Variants in EPHA6 observed in about 807,000 individuals in gnomAD.
The protein encoded by EPHA6 is ephrin type-A receptor 6.
In EPHA6, 50 loss-of-function variants were observed where a neutral mutation model predicts 112.0. The observed-to-expected ratio is 0.45, with a 90% CI of 0.36 to 0.56. The LOEUF (loss-of-function observed/expected upper bound fraction) is 0.56. Among genes scored for constraint, EPHA6 ranks in the 20% least tolerant of loss-of-function variants. The pLI is 0.00. For synonymous variants in EPHA6, 529 were observed against 490.7 expected, an observed-to-expected ratio of 1.08 and a Z score of -1.03; for missense variants, 1,280 against 1,417.4, an observed-to-expected ratio of 0.90 and a Z score of 1.56.
chr3:97,560,194 G>T (rs1405463814), intron 11 of EPHA6, among the ~76,000 whole-genome samples: 1 of 151,790 alleles, frequency 6.6e-6, no homozygotes, highest in Non-Finnish European at 1.5e-5. Context: ...GAAAGTTGTG[G>T]ATTTTCAGAA....
intron 2 of EPHA6, among the ~76,000 whole-genome samples, chr3:96,880,607 C>A (rs1288276283): frequency 6.6e-6 from 1 of 152,078 alleles, no homozygotes; most frequent in Non-Finnish European, 1.5e-5. Context: ...AGCACATTCA[C>A]AATATTGTAC....
chr3:97,522,462 G>A (rs1160847854), intron 10 of EPHA6, among the ~76,000 whole-genome samples: 1 of 152,096 alleles, frequency 6.6e-6, no homozygotes, highest in Non-Finnish European at 1.5e-5. Context: ...GTATTTTGTT[G>A]AGTATTTTTT....
At chr3:97,574,378 T>G (rs1244827113) in intron 11 of EPHA6, among the ~76,000 whole-genome samples, 1 of 152,162 alleles carries the variant, frequency 6.6e-6, no homozygotes. Flanking sequence ...GAGTAACACT[T>G]AAGCAGAGTC....
chr3:97,416,713 A>G (rs2088151926), intron 6 of EPHA6, among the ~76,000 whole-genome samples: 1 of 152,136 alleles, frequency 6.6e-6, no homozygotes, highest in Non-Finnish European at 1.5e-5. Flanking sequence ...TCACATTAGG[A>G]ATGATATTAA....
intron 3 of EPHA6, among the ~76,000 whole-genome samples, chr3:97,002,681 T>G (rs1206349920): frequency 2.0e-5 from 3 of 152,008 alleles, no homozygotes; most frequent in Admixed American, 2.0e-4. Flanking sequence ...ATATATATAC[T>G]ATGTTCTTGG....
At chr3:96,963,663 C>A (rs891735657) in intron 2 of EPHA6, among the ~76,000 whole-genome samples, 4 of 152,114 alleles carry the variant, frequency 2.6e-5, no homozygotes, top group African/African-American at 9.7e-5. Context: ...TGCAGTGGAG[C>A]TCTGTTGTCT....
intron 10 of EPHA6, among the ~76,000 whole-genome samples, chr3:97,531,741 G>C (rs546444808): frequency 8.6e-5 from 13 of 151,952 alleles, no homozygotes; most frequent in African/African-American, 2.9e-4. Context: ...TAAATATTTG[G>C]TTATTGTTTA....
chr3:97,484,362 G>A (rs6782824), intron 10 of EPHA6, among the ~76,000 whole-genome samples: 18,956 of 151,852 alleles, frequency 0.12, 1,464 homozygotes, highest in Admixed American at 0.23. Context: ...TTACTTGAGC[G>A]CCAACATGTA....
chr3:97,334,769 AG>A (rs1274558385), intron 5 of EPHA6, among the ~76,000 whole-genome samples: 2 of 152,032 alleles, frequency 1.3e-5, no homozygotes, highest in African/African-American at 4.8e-5. Flanking sequence ...CATTTCTTTA[AG>A]TTGTTGAAAA....
chr3:97,317,411 T>G (rs1040109123), intron 5 of EPHA6, among the ~76,000 whole-genome samples: 1 of 151,936 alleles, frequency 6.6e-6, no homozygotes, highest in Non-Finnish European at 1.5e-5. Flanking sequence ...ACAAAAAAAG[T>G]GTTTAATTTT....
intron 13 of EPHA6, among the ~76,000 whole-genome samples, chr3:97,626,644 G>A (rs1290636110): frequency 6.6e-6 from 1 of 151,726 alleles, no homozygotes; most frequent in Non-Finnish European, 1.5e-5. Flanking sequence ...TTTGTATGAG[G>A]GTAAGAGAGG....
At chr3:97,435,336 C>G (rs528544331) in intron 6 of EPHA6, among the ~76,000 whole-genome samples, 1 of 152,142 alleles carries the variant, frequency 6.6e-6, no homozygotes, top group Admixed American at 6.5e-5. Flanking sequence ...GCATGACATC[C>G]TAAAAACTTG....
At chr3:97,584,604 A>G (rs781173850) in intron 11 of EPHA6, among the ~76,000 whole-genome samples, 4 of 152,160 alleles carry the variant, frequency 2.6e-5, no homozygotes, top group Non-Finnish European at 5.9e-5. Flanking sequence ...GTATTATAAT[A>G]CCTAAAATTA....
intron 14 of EPHA6, among the ~76,000 whole-genome samples, chr3:97,708,577 C>A (rs2033801625): frequency 6.6e-6 from 1 of 152,232 alleles, no homozygotes; most frequent in Non-Finnish European, 1.5e-5. Flanking sequence ...AAGCTACCAG[C>A]TGCAGAAATG....
chr3:96,847,197 A>G (rs2035121618), intron 1 of EPHA6, among the ~76,000 whole-genome samples: 1 of 152,124 alleles, frequency 6.6e-6, no homozygotes, highest in South Asian at 2.1e-4. Context: ...TTGCTACTGT[A>G]TATAAATCAA....
intron 5 of EPHA6, among the ~76,000 whole-genome samples, chr3:97,315,251 A>T (rs1576928709): frequency 6.6e-6 from 1 of 151,728 alleles, no homozygotes; most frequent in South Asian, 2.1e-4. Context: ...CACTTTCCAC[A>T]TCACTTTTTT....
chr3:96,863,561 A>G (rs1398010523), intron 1 of EPHA6, among the ~76,000 whole-genome samples: 2 of 152,002 alleles, frequency 1.3e-5, no homozygotes, highest in African/African-American at 4.8e-5. Flanking sequence ...CAAATAAAGC[A>G]GTTAGGTCAA....
intron 2 of EPHA6, among the ~76,000 whole-genome samples, chr3:96,930,662 C>A (rs1235631059): frequency 6.6e-6 from 1 of 152,040 alleles, no homozygotes; most frequent in African/African-American, 2.4e-5. Context: ...GGAGGCCTCA[C>A]CCAGTCAAGG....
intron 3 of EPHA6, among the ~76,000 whole-genome samples, chr3:97,071,462 G>A (rs917601326): frequency 6.6e-6 from 1 of 152,004 alleles, no homozygotes; most frequent in Non-Finnish European, 1.5e-5. Flanking sequence ...CATGACTGGG[G>A]AGGCCTCAGA....
Sources: gnomAD v4.1 joint callset for allele counts (sites outside exome capture counted in the v4.1 genomes callset) on GRCh38, gnomAD v4.1.1 for gene constraint, MANE v1.5 for transcripts, NCBI Gene and HGNC (gene_info 2026-07-23, HGNC 2026-07-21) for gene names.